FGF12: variants seen among roughly 807,000 people sequenced by gnomAD.
FGF12 encodes fibroblast growth factor 12B.
In FGF12, 14 loss-of-function variants were observed where a neutral mutation model predicts 23.6. The observed-to-expected ratio is 0.59, with a 90% CI of 0.39 to 0.93. FGF12 has a LOEUF of 0.93. Among genes scored for constraint, FGF12 ranks in the 40% least tolerant of loss-of-function variants. FGF12 has a pLI of 0.00. For missense variants in FGF12, 175 were observed against 217.8 expected (o/e 0.80, Z 1.24); for synonymous variants, 62 against 77.3 (o/e 0.80, Z 1.04).
intron 2 of FGF12, among the ~76,000 whole-genome samples, chr3:192,721,008 T>C (rs1178995073): frequency 2.6e-5 from 4 of 152,214 alleles, no homozygotes; most frequent in African/African-American, 7.2e-5. Flanking sequence ...ACCCATAAGA[T>C]GTAGAGACAA....
intron 2 of FGF12, among the ~76,000 whole-genome samples, chr3:192,555,240 T>C (rs1181579713): frequency 6.6e-6 from 1 of 152,130 alleles, no homozygotes; most frequent in Non-Finnish European, 1.5e-5. Flanking sequence ...ACAAGCCACA[T>C]TGTAATCAAA....
At chr3:192,226,413 T>C (rs1442367739) in intron 4 of FGF12, among the ~76,000 whole-genome samples, 4 of 152,130 alleles carry the variant, frequency 2.6e-5, no homozygotes, top group African/African-American at 9.7e-5. Flanking sequence ...CTGAGATCCT[T>C]AAAATAAGAA....
chr3:192,242,469 C>T (rs1164683442), intron 4 of FGF12, among the ~76,000 whole-genome samples: 1 of 151,968 alleles, frequency 6.6e-6, no homozygotes, highest in Non-Finnish European at 1.5e-5. Flanking sequence ...AGTTGAGAAC[C>T]ACTGAAGTAG....
intron 2 of FGF12, among the ~76,000 whole-genome samples, chr3:192,671,827 ACATT>A (rs1174521466): frequency 1.3e-5 from 2 of 152,112 alleles, no homozygotes; most frequent in Admixed American, 1.3e-4. Context: ...ACTCACAAGA[ACATT>A]CAGACATCAT....
chr3:192,419,366 T>G (rs1346381370), intron 2 of FGF12, among the ~76,000 whole-genome samples: 1 of 152,156 alleles, frequency 6.6e-6, no homozygotes, highest in African/African-American at 2.4e-5. Flanking sequence ...AAGTGAGGCC[T>G]ATGTTCAAGT....
chr3:192,664,667 G>A (rs1352066921), intron 2 of FGF12, among the ~76,000 whole-genome samples: 2 of 151,168 alleles, frequency 1.3e-5, no homozygotes, highest in African/African-American at 4.9e-5. Flanking sequence ...TCAGGAGGTT[G>A]AAGAGGAGAA....
At chr3:192,614,103 G>T (rs533625694) in intron 2 of FGF12, among the ~76,000 whole-genome samples, 4 of 152,008 alleles carry the variant, frequency 2.6e-5, no homozygotes, top group African/African-American at 9.6e-5. Context: ...AGGAGTATGA[G>T]GGGTGAAAAC....
At chr3:192,366,972 T>C (rs1719014114) in intron 2 of FGF12, among the ~76,000 whole-genome samples, 1 of 152,080 alleles carries the variant, frequency 6.6e-6, no homozygotes, top group African/African-American at 2.4e-5. Flanking sequence ...ACAGAACAGG[T>C]CGCCTAAGGA....
intron 4 of FGF12, among the ~76,000 whole-genome samples, chr3:192,280,192 G>C (rs535813106): frequency 6.6e-6 from 1 of 152,184 alleles, no homozygotes; most frequent in South Asian, 2.1e-4. Context: ...TTGGCAGCTT[G>C]TTTTGTAAAT....
rs901566226 is a variant in FGF12 at position 192,408,994 on chromosome 3, G to A, written c.14-48456C>T. 10 of 984,674 alleles carry A rather than the reference G, an allele frequency of 1.0e-5. No homozygotes were observed. The highest frequency in any genetic ancestry group is 4.7e-5 in the South Asian group (1 of 21,236). 61.0% of individuals were successfully genotyped at this position (984,674 alleles called of 1,614,324 possible). On this transcript the variant is annotated intron_variant, in intron 2 of 5. Coordinates refer to ENST00000445105, the MANE Select transcript of FGF12 (RefSeq NM_004113.6). The surrounding 1 kb of genome is among the most constrained non-coding windows in gnomAD (Gnocchi z 7.3). ...TTACCCGGAGTCTGGGTAGGGGCGC[G>A]GGGCGGGGGCAGCTGTTTCCAGCTG...
intron 2 of FGF12, among the ~76,000 whole-genome samples, chr3:192,438,474 G>A (rs1722094665): frequency 6.6e-6 from 1 of 152,184 alleles, no homozygotes; most frequent in Non-Finnish European, 1.5e-5. Flanking sequence ...CTTCAGGGAT[G>A]CAGGAAAATA....
intron 2 of FGF12, among the ~76,000 whole-genome samples, chr3:192,686,852 G>A (rs547522891): frequency 6.3e-5 from 7 of 110,732 alleles, no homozygotes; most frequent in African/African-American, 1.2e-4. Flanking sequence ...TTTTTGAGAC[G>A]GAGTGTCCCT....
Position 192,561,363 on chromosome 3 carries a change from A to G in FGF12, c.13+165818T>C, listed in dbSNP as rs572763155. 2.0e-5 allele frequency among the ~76,000 whole-genome samples: 3 copies of G among 151,764 alleles called. No homozygotes were observed. In the South Asian group the frequency reaches 6.2e-4, roughly 32 times the overall value. On this transcript the variant is annotated intron_variant, in intron 2 of 5. Coordinates refer to ENST00000445105, the MANE Select transcript of FGF12 (RefSeq NM_004113.6). Reference sequence around the variant, plus strand: ...AATTAAAATGATGGTGAGAAACTTCACTTTTCTTTTTTTTTTTGAGACAGA... The same window carrying G: ...AATTAAAATGATGGTGAGAAACTTCGCTTTTCTTTTTTTTTTTGAGACAGA...
At position 192,288,041 on chromosome 3, in the gene FGF12, A is replaced by G. The variant is rs183479999; in HGVS notation, c.228+47320T>C. ...CACTAATCACTAATCACTCCTAGAAATAAGTTGAAGGAAAGGCTTTAGAAT... is the reference window on the plus strand; with the variant it reads ...CACTAATCACTAATCACTCCTAGAAGTAAGTTGAAGGAAAGGCTTTAGAAT... On this transcript the variant is annotated intron_variant, in intron 4 of 5. Transcript: ENST00000445105. Among the ~76,000 whole-genome samples, 100 of 148,224 alleles carry G rather than the reference A, an allele frequency of 6.7e-4. No individual in the cohort carries two copies. The East Asian group carries it at 0.012, about 18-fold the overall frequency.
intron 2 of FGF12, among the ~76,000 whole-genome samples, chr3:192,686,038 G>A (rs1358197175): frequency 6.6e-6 from 1 of 152,232 alleles, no homozygotes; most frequent in Non-Finnish European, 1.5e-5. Flanking sequence ...GAAGAATGGA[G>A]AAGGAAGGAG....
chr3:192,444,936 G>A (rs897094719), intron 2 of FGF12, among the ~76,000 whole-genome samples: 16 of 152,116 alleles, frequency 1.1e-4, no homozygotes, highest in African/African-American at 3.4e-4. Context: ...CAGTAGCTTC[G>A]CTTCTTTAAA....
intron 2 of FGF12, among the ~76,000 whole-genome samples, chr3:192,386,012 A>T (rs879409637): frequency 7.9e-5 from 12 of 152,188 alleles, no homozygotes; most frequent in African/African-American, 1.4e-4. Context: ...TTTTAACATG[A>T]AGGTAACTGG....
chr3:192,616,747 G>A (rs1202853320), intron 2 of FGF12, among the ~76,000 whole-genome samples: 1 of 151,896 alleles, frequency 6.6e-6, no homozygotes, highest in African/African-American at 2.4e-5. Flanking sequence ...ACACCCTCAT[G>A]TATATGAGAA....
At chr3:192,459,028 G>C (rs369498570) in intron 2 of FGF12, among the ~76,000 whole-genome samples, 1 of 152,300 alleles carries the variant, frequency 6.6e-6, no homozygotes, top group East Asian at 1.9e-4. Context: ...CACCATGTAA[G>C]AAGTGCCTTT....
Sources: allele counts gnomAD v4.1 joint callset (sites outside exome capture counted in the v4.1 genomes callset), GRCh38; gene constraint gnomAD v4.1.1; non-coding constraint Gnocchi (gnomAD v3.1); transcripts MANE v1.5; gene names NCBI Gene and HGNC (gene_info 2026-07-23, HGNC 2026-07-21).